Variants in RP1 observed in about 807,000 individuals in gnomAD.
The protein encoded by RP1 is RP1 axonemal microtubule associated.
RP1 carries 16 observed loss-of-function variants against 14.8 expected under a neutral mutation model. The observed-to-expected ratio is 1.08, with a 90% CI of 0.73 to 1.65. The LOEUF (loss-of-function observed/expected upper bound fraction) is 1.65, where lower values mean the gene tolerates loss of function less well. Ranked by LOEUF, RP1 falls within the 40% of genes most tolerant of loss-of-function variation. The pLI is 0.00. For missense variants in RP1, 2,631 were observed against 2,535.0 expected (o/e 1.04, Z -0.81); for synonymous variants, 876 against 883.6 (o/e 0.99, Z 0.15).
Position 54,626,308 on chromosome 8 carries a change from A to G in RP1, c.2426A>G (p.Tyr809Cys). The change falls in exon 4 of 4, where the codon TAT becomes TGT. Residue 809 changes from tyrosine to cysteine, a missense_variant. Coordinates refer to ENST00000220676, the MANE Select transcript of RP1 (RefSeq NM_006269.2). ...GTGTTTCCTCACAATGAATCTAAATATTGCAAAAGTACTTTTGAAAACAAA... is the reference window on the plus strand; with the variant it reads ...GTGTTTCCTCACAATGAATCTAAATGTTGCAAAAGTACTTTTGAAAACAAA... Reference protein sequence around the residue: ...DKVFPHNESKYCKSTFENKSL... With the variant: ...DKVFPHNESKCCKSTFENKSL... 6.2e-7 allele frequency: 1 copy of G among 1,613,352 alleles called. No individual in the cohort carries two copies. Among genetic ancestry groups the G allele is most frequent in the South Asian group, 1.1e-5 (1 of 91,052 alleles).
intron 7 of RP1, among the ~76,000 whole-genome samples, chr8:54,669,201 CAA>C (rs1201951785): frequency 6.6e-6 from 1 of 152,010 alleles, no homozygotes; most frequent in Non-Finnish European, 1.5e-5. Context: ...ACAACCCCAT[CAA>C]AAAGTGGGCA....
At chr8:54,853,259 T>C (rs1812096934) in intron 26 of RP1, among the ~76,000 whole-genome samples, 1 of 152,058 alleles carries the variant, frequency 6.6e-6, no homozygotes, top group Non-Finnish European at 1.5e-5. Context: ...AAAGTGGCGA[T>C]AGTGTGAGTC....
intron 1 of RP1, among the ~76,000 whole-genome samples, chr8:54,607,833 C>T (rs961791972): frequency 2.0e-5 from 3 of 152,202 alleles, no homozygotes; most frequent in African/African-American, 7.2e-5. Context: ...GGGCATAGGA[C>T]CCTCTGAGCC....
Position 54,626,551 on chromosome 8 carries a change from C to T in RP1, c.2669C>T (p.Thr890Ile), listed in dbSNP as rs1442835872. 1.2e-6 allele frequency: 2 copies of T among 1,613,702 alleles called. No individual in the cohort carries two copies. The highest frequency in any genetic ancestry group is 1.7e-4 in the Middle Eastern group (1 of 6,058). The change falls in exon 4 of 4, where the codon ACC (threonine) becomes ATC (isoleucine). Residue 890 changes from threonine (T) to isoleucine (I), a missense_variant. Transcript: ENST00000220676. ...ATTTTAAGTAAACAACATGCTACAACCAGGGCAAATTCTTTAGCTTCTTTG... is the reference window on the plus strand; with the variant it reads ...ATTTTAAGTAAACAACATGCTACAATCAGGGCAAATTCTTTAGCTTCTTTG... ...SAILSKQHAT[T>I]RANSLASLKK...
chr8:54,685,301 A>C (rs919409077), intron 12 of RP1, among the ~76,000 whole-genome samples: 10 of 152,052 alleles, frequency 6.6e-5, no homozygotes, highest in Non-Finnish European at 4.4e-5. Flanking sequence ...TAGTGCTATA[A>C]ATTTCCCTCT....
intron 25 of RP1, among the ~76,000 whole-genome samples, chr8:54,844,867 G>A (rs991050540): frequency 2.0e-5 from 3 of 152,114 alleles, no homozygotes; most frequent in Admixed American, 6.5e-5. Context: ...AATGAATGGC[G>A]CCACTGGGTC....
chr8:54,799,465 T>C (rs1252531207), intron 24 of RP1, among the ~76,000 whole-genome samples: 1 of 152,012 alleles, frequency 6.6e-6, no homozygotes, highest in African/African-American at 2.4e-5. Flanking sequence ...TCACTATGTT[T>C]AGACCATTCT....
intron 25 of RP1, among the ~76,000 whole-genome samples, chr8:54,851,249 TG>T (rs1812055191): frequency 6.6e-6 from 1 of 152,214 alleles, no homozygotes; most frequent in African/African-American, 2.4e-5. Flanking sequence ...TGTTGCTTTT[TG>T]TGCTGTCAAT....
chr8:54,656,753 C>A (rs1806762461), intron 6 of RP1, among the ~76,000 whole-genome samples: 1 of 150,258 alleles, frequency 6.7e-6, no homozygotes, highest in Admixed American at 6.7e-5. Context: ...GGGTGACTAT[C>A]CATAAGAACC....
intron 25 of RP1, among the ~76,000 whole-genome samples, chr8:54,841,070 T>C (rs1289391365): frequency 3.3e-5 from 5 of 151,744 alleles, no homozygotes; most frequent in Non-Finnish European, 7.4e-5. Flanking sequence ...GGGTAAGGAG[T>C]GGTCTGGGCA....
intron 27 of RP1, among the ~76,000 whole-genome samples, chr8:54,864,144 A>G (rs1295318214): frequency 6.6e-6 from 1 of 152,212 alleles, no homozygotes; most frequent in African/African-American, 2.4e-5. Flanking sequence ...GAGAGACTGT[A>G]GATTCGCAGC....
exon 15 of RP1, chr8:54,706,470 C>G: frequency 6.5e-7 from 1 of 1,535,820 alleles, no homozygotes; most frequent in Non-Finnish European, 8.7e-7. Context: ...TGCTGTGGTT[C>G]TGCTTGCTAC....
At chr8:54,661,308 T>G (rs1026150361) in intron 6 of RP1, among the ~76,000 whole-genome samples, 1 of 147,290 alleles carries the variant, frequency 6.8e-6, no homozygotes, top group Non-Finnish European at 1.5e-5. Context: ...ATATATGAGA[T>G]ATATATATAT....
At chr8:54,589,658 ATT>A (rs1805001901) in intron 1 of RP1, among the ~76,000 whole-genome samples, 4 of 152,098 alleles carry the variant, frequency 2.6e-5, no homozygotes, top group Admixed American at 2.6e-4. Context: ...CCAGCCTTGT[ATT>A]TTTAGATATC....
intron 14 of RP1, among the ~76,000 whole-genome samples, chr8:54,702,666 C>G (rs1808053988): frequency 6.6e-6 from 1 of 152,116 alleles, no homozygotes; most frequent in Admixed American, 6.5e-5. Flanking sequence ...AAGTTTGCCA[C>G]AGTGATTGAC....
chr8:54,604,285 A>T (rs1045174380), intron 1 of RP1, among the ~76,000 whole-genome samples: 5 of 152,276 alleles, frequency 3.3e-5, no homozygotes, highest in South Asian at 4.2e-4. Flanking sequence ...TTCTGCATCT[A>T]TTGAGATAAT....
At chr8:54,652,787 T>G (rs1009833745) in exon 5 of RP1, 1 of 1,535,408 alleles carries the variant, frequency 6.5e-7, no homozygotes, top group African/African-American at 1.4e-5. Flanking sequence ...TAGATAACAG[T>G]TGGAGACATT....
chr8:54,760,036 T>C (rs963326520), intron 22 of RP1, among the ~76,000 whole-genome samples: 4 of 152,240 alleles, frequency 2.6e-5, no homozygotes, highest in African/African-American at 9.6e-5. Flanking sequence ...CTTTAAGTAC[T>C]AAGCAAAAAG....
chr8:54,768,688 AG>A (rs1395966247), intron 22 of RP1, among the ~76,000 whole-genome samples: 1 of 152,208 alleles, frequency 6.6e-6, no homozygotes, highest in East Asian at 1.9e-4. Context: ...ATTTAGTCAA[AG>A]AAAGTAAGTT....
Sources: gnomAD v4.1 joint callset for allele counts (sites outside exome capture counted in the v4.1 genomes callset) on GRCh38, gnomAD v4.1.1 for gene constraint, MANE v1.5 for transcripts, NCBI Gene and HGNC (gene_info 2026-07-23, HGNC 2026-07-21) for gene names.